TFDP2: variants seen among roughly 807,000 people sequenced by gnomAD.
The protein encoded by TFDP2 is transcription factor Dp-2.
A neutral mutation model predicts 59.3 loss-of-function variants in TFDP2; 17 were observed. The observed-to-expected ratio is 0.29, with a 90% CI of 0.20 to 0.43. The LOEUF (loss-of-function observed/expected upper bound fraction) is 0.43. Among genes scored for constraint, TFDP2 ranks in the 20% least tolerant of loss-of-function variants. TFDP2 has a pLI of 1.00. For synonymous variants in TFDP2, 180 were observed against 194.7 expected (o/e 0.92, Z 0.63); for missense variants, 391 against 528.8 (o/e 0.74, Z 2.56).
In TFDP2 at chr3:141,949,586, T is replaced by TCCTA; in HGVS notation, c.*2923_*2926dup. On this transcript the variant is annotated 3_prime_UTR_variant, in exon 13 of 13. Transcript: ENST00000489671. ...ACCCACTGAGGGCCAGGCACGCAGG[T>TCCTA]CCTAGTGCCACTGTGCGTGTGCTAA... The TCCTA allele has an allele frequency of 6.6e-6, 1 of 152,188 alleles. No homozygotes were observed. Among genetic ancestry groups the TCCTA allele is most frequent in the Admixed American group, 6.6e-5 (1 of 15,264 alleles). 9.4% of individuals were successfully genotyped at this position (152,188 alleles called of 1,614,324 possible).
At chr3:141,976,698 G>A (rs1940688423) in intron 7 of TFDP2, among the ~76,000 whole-genome samples, 1 of 152,098 alleles carries the variant, frequency 6.6e-6, no homozygotes, top group Non-Finnish European at 1.5e-5. Context: ...CGAGATTAGT[G>A]AGGTAATGGT....
At chr3:141,968,478 T>TATATATCTCATATATAGATATATATAAC (rs1559937953) in intron 9 of TFDP2, among the ~76,000 whole-genome samples, 14 of 95,184 alleles carry the variant, frequency 1.5e-4, no homozygotes, top group African/African-American at 5.4e-4. Flanking sequence ...ATATATAACA[T>TATATATCTCATATATAGATATATATAAC]ATATATATCT....
At chr3:142,098,166 GAC>G (rs1160359926) in intron 2 of TFDP2, among the ~76,000 whole-genome samples, 1 of 151,252 alleles carries the variant, frequency 6.6e-6, no homozygotes, top group East Asian at 1.9e-4. Context: ...AAATTTTGCT[GAC>G]AGTCTCTAGG....
In TFDP2 at chr3:142,147,014, C is replaced by T. The variant is rs539501798; in HGVS notation, c.-93+2169G>A. On this transcript the variant is annotated intron_variant, in intron 1 of 12. Transcript: ENST00000489671. The stretch of plus-strand genomic sequence containing the variant: ...GTGAGGTGGGAGGATCACTTGAGCC[C>T]AGGAGTTCCAGACAAGCCTGAGCAA... Among the ~76,000 whole-genome samples the T allele has an allele frequency of 2.4e-3, 348 of 143,008 alleles. 6 individuals are homozygous for T. Among genetic ancestry groups the T allele is most frequent in the African/African-American group, 9.0e-3 (339 of 37,676 alleles). The allele number at this position is 143,008 out of a possible 152,430, so 93.8% of individuals were successfully genotyped here.
At chr3:142,062,376 C>A (rs1364830053) in intron 3 of TFDP2, among the ~76,000 whole-genome samples, 2 of 134,200 alleles carry the variant, frequency 1.5e-5, no homozygotes, top group Non-Finnish European at 3.1e-5. Flanking sequence ...TATATATACA[C>A]ATATATATAT....
At chr3:142,116,740 T>C (rs977279424) in intron 1 of TFDP2, among the ~76,000 whole-genome samples, 1 of 152,244 alleles carries the variant, frequency 6.6e-6, no homozygotes, top group African/African-American at 2.4e-5. Context: ...TCCTTTTTGC[T>C]GTTGTTCCTG....
At chr3:142,038,542 A>C (rs556161784) in intron 3 of TFDP2, among the ~76,000 whole-genome samples, 4 of 152,242 alleles carry the variant, frequency 2.6e-5, no homozygotes, top group African/African-American at 9.6e-5. Flanking sequence ...TTGCTAATTG[A>C]TAGAGGAAAA....
intron 3 of TFDP2, among the ~76,000 whole-genome samples, chr3:142,071,274 A>G (rs1261593128): frequency 1.3e-5 from 2 of 151,804 alleles, no homozygotes; most frequent in African/African-American, 4.8e-5. Context: ...CTCCTGCCTC[A>G]GCCCCCCTAG....
At chr3:142,122,549 G>A (rs1201361975) in intron 1 of TFDP2, among the ~76,000 whole-genome samples, 1 of 152,204 alleles carries the variant, frequency 6.6e-6, no homozygotes, top group Non-Finnish European at 1.5e-5. Context: ...AGCAGGATTG[G>A]ACTTAGGGAA....
intron 1 of TFDP2, among the ~76,000 whole-genome samples, chr3:142,140,831 C>T (rs1233906226): frequency 6.6e-6 from 1 of 152,198 alleles, no homozygotes; most frequent in Admixed American, 6.5e-5. Flanking sequence ...AGTTAGGCTA[C>T]ACGGGTGTCA....
rs2062689078 is a variant in TFDP2, at chr3:142,135,439, G to T, written c.-93+13744C>A. Reference sequence around the variant, plus strand: ...TTATTATTATACTTTAAGTTCTAGGGTACATGTGCACAACATGCAGGTTTG... The same window carrying T: ...TTATTATTATACTTTAAGTTCTAGGTTACATGTGCACAACATGCAGGTTTG... On this transcript the variant is annotated intron_variant, in intron 1 of 12. Transcript: ENST00000489671. Among the ~76,000 whole-genome samples the T allele has an allele frequency of 2.0e-5, 3 of 151,552 alleles. No individual in the cohort carries two copies. In the South Asian group the frequency reaches 6.2e-4, roughly 32 times the overall value.
At chr3:142,131,974 C>T (rs1195994746) in intron 1 of TFDP2, among the ~76,000 whole-genome samples, 1 of 135,006 alleles carries the variant, frequency 7.4e-6, no homozygotes, top group African/African-American at 3.1e-5. Context: ...TCATTGCACT[C>T]GTCTGGGCAA....
At chr3:142,073,470 C>G (rs866003511) in intron 3 of TFDP2, among the ~76,000 whole-genome samples, 2 of 52,014 alleles carry the variant, frequency 3.8e-5, no homozygotes, top group African/African-American at 8.6e-5. Flanking sequence ...CCCCCCCCCC[C>G]GCAAAAAAAA....
intron 3 of TFDP2, among the ~76,000 whole-genome samples, chr3:142,034,776 C>T (rs540352134): frequency 5.6e-4 from 83 of 148,680 alleles, no homozygotes; most frequent in African/African-American, 1.4e-3. Context: ...AGTGCAGTGG[C>T]GCAATCTCGG....
intron 3 of TFDP2, among the ~76,000 whole-genome samples, chr3:142,038,383 CAAAAAAAAAAAAAA>C (rs1184364752): frequency 2.4e-5 from 1 of 41,440 alleles, no homozygotes; most frequent in African/African-American, 1.1e-4. Flanking sequence ...GACTCCATCT[CAAAAAAAAAAAAAA>C]AAAAAAAAAA....
chr3:141,993,643 AT>A (rs3215194), intron 5 of TFDP2, 58 bp from the exon 6 acceptor site: 88,469 of 1,012,322 alleles, frequency 0.087, 4,436 homozygotes, highest in Non-Finnish European at 0.1. Flanking sequence ...ATTTAATTTC[AT>A]TAATACTTTA....
chr3:142,118,752 T>TA (rs1024069495), intron 1 of TFDP2, among the ~76,000 whole-genome samples: 27 of 151,744 alleles, frequency 1.8e-4, no homozygotes, highest in African/African-American at 6.0e-4. Flanking sequence ...AATAAAATTT[T>TA]AAAAAAAACA....
rs1468507857 is a variant in TFDP2 at position 141,951,431 on chromosome 3, C to G, written c.*1082G>C. On this transcript the variant is annotated 3_prime_UTR_variant, in exon 13 of 13. Transcript: ENST00000489671. ...TTGGATTAGTTTGAAATGCAATTGACCCCAGGAGTAGGCTCAATAAGGTCA... is the reference window on the plus strand; with the variant it reads ...TTGGATTAGTTTGAAATGCAATTGAGCCCAGGAGTAGGCTCAATAAGGTCA... 1.3e-5 allele frequency: 2 copies of G among 152,478 alleles called. No individual in the cohort carries two copies. Among genetic ancestry groups the G allele is most frequent in the Non-Finnish European group, 2.9e-5 (2 of 68,036 alleles). The allele number at this position is 152,478 out of a possible 1,614,324, so 9.4% of individuals were successfully genotyped here.
At chr3:142,139,010 G>A (rs935590511) in intron 1 of TFDP2, among the ~76,000 whole-genome samples, 6 of 152,260 alleles carry the variant, frequency 3.9e-5, no homozygotes, top group Non-Finnish European at 7.4e-5. Context: ...AAGTCTCTTT[G>A]TAGGTCTCTA....
Sources: gnomAD v4.1 joint callset for allele counts (sites outside exome capture counted in the v4.1 genomes callset) on GRCh38, gnomAD v4.1.1 for gene constraint, MANE v1.5 for transcripts, NCBI Gene and HGNC (gene_info 2026-07-23, HGNC 2026-07-21) for gene names.